The following CCDC13 variants were observed in gnomAD, a reference collection of about 807,000 sequenced individuals.
The protein encoded by CCDC13 is coiled-coil domain-containing protein 13.
CCDC13 carries 70 observed loss-of-function variants against 87.3 expected under a neutral mutation model. The ratio of observed to expected loss-of-function variants is 0.80; its 90% CI spans 0.66 to 0.98. CCDC13 has a LOEUF of 0.98. Ranked by LOEUF, CCDC13 falls within the 50% of genes least tolerant of loss-of-function variation. The pLI, the probability that CCDC13 is intolerant of heterozygous loss-of-function variation, is 0.00. For synonymous variants in CCDC13, 317 were observed against 360.3 expected, an observed-to-expected ratio of 0.88 and a Z score of 1.36; for missense variants, 842 against 892.0, an observed-to-expected ratio of 0.94 and a Z score of 0.71.
intron 9 of CCDC13, among the ~76,000 whole-genome samples, chr3:42,736,882 T>C (rs1007686436): frequency 1.3e-5 from 2 of 152,158 alleles, no homozygotes; most frequent in African/African-American, 4.8e-5. Context: ...GAAAGCAGTA[T>C]GGCCTTACTA....
chr3:42,731,709 A>C (rs1044371405), intron 12 of CCDC13, among the ~76,000 whole-genome samples: 3 of 151,914 alleles, frequency 2.0e-5, no homozygotes, highest in Non-Finnish European at 4.4e-5. Flanking sequence ...CCTCCCAGGC[A>C]CCCCACCAGA....
At chr3:42,729,126 T>C (rs1698759852) in intron 13 of CCDC13, among the ~76,000 whole-genome samples, 1 of 152,218 alleles carries the variant, frequency 6.6e-6, no homozygotes, top group African/African-American at 2.4e-5. Context: ...CCATTGTGTT[T>C]GAAGCCACTA....
chr3:42,715,890 G>A (rs765562691), intron 13 of CCDC13, among the ~76,000 whole-genome samples: 1 of 152,134 alleles, frequency 6.6e-6, no homozygotes, highest in Non-Finnish European at 1.5e-5. Context: ...CTTGTCAGAC[G>A]CTGGCACCTT....
chr3:42,710,379 A>G (rs571014162), intron 14 of CCDC13, among the ~76,000 whole-genome samples: 4 of 152,190 alleles, frequency 2.6e-5, no homozygotes, highest in Non-Finnish European at 5.9e-5. Context: ...TTGTTTTCAA[A>G]AAGAGAAACC....
intron 1 of CCDC13, among the ~76,000 whole-genome samples, chr3:42,772,876 G>A (rs1480825114): frequency 6.6e-6 from 1 of 152,226 alleles, no homozygotes; most frequent in Non-Finnish European, 1.5e-5. Flanking sequence ...GCGGACCTGA[G>A]TTCGAGTTCT....
At chr3:42,731,534 C>G (rs1358775431) in intron 12 of CCDC13, among the ~76,000 whole-genome samples, 3 of 152,150 alleles carry the variant, frequency 2.0e-5, no homozygotes, top group African/African-American at 7.2e-5. Context: ...TGCAGAATCC[C>G]AGGCTTTACC....
chr3:42,710,654 GA>G (rs1222444578), intron 14 of CCDC13, among the ~76,000 whole-genome samples: 1 of 151,790 alleles, frequency 6.6e-6, no homozygotes, highest in Admixed American at 6.6e-5. Context: ...CCAACACGGT[GA>G]AACCCTGTCT....
chr3:42,756,110 T>G (rs747306702), intron 3 of CCDC13, among the ~76,000 whole-genome samples: 1 of 152,228 alleles, frequency 6.6e-6, no homozygotes. Context: ...TTTGGTCCTA[T>G]GAACGTACCT....
intron 13 of CCDC13, among the ~76,000 whole-genome samples, chr3:42,715,308 TCA>T (rs776172707): frequency 4.6e-4 from 30 of 64,844 alleles, no homozygotes; most frequent in Non-Finnish European, 7.4e-4. Context: ...AAACTCTGTC[TCA>T]AAAAAAAAAA....
chr3:42,751,854 G>C (rs192353231), intron 5 of CCDC13, 82 bp downstream of exon 5: 44 of 1,272,100 alleles, frequency 3.5e-5, no homozygotes, highest in Non-Finnish European at 4.9e-5. Flanking sequence ...CTCGGGTAGA[G>C]GTACCTACAC....
intron 1 of CCDC13, among the ~76,000 whole-genome samples, chr3:42,766,631 C>T (rs1338548666): frequency 6.9e-6 from 1 of 145,552 alleles, no homozygotes; most frequent in Non-Finnish European, 1.5e-5. Context: ...AAACAACCAA[C>T]CAACCAAACA....
At chr3:42,744,408 G>T (rs538579468) in intron 7 of CCDC13, among the ~76,000 whole-genome samples, 7 of 152,312 alleles carry the variant, frequency 4.6e-5, no homozygotes, top group African/African-American at 1.4e-4. Flanking sequence ...TAGGCTCCCT[G>T]GCAAAGGGCA....
At chr3:42,769,931 G>C (rs1043053450) in intron 1 of CCDC13, among the ~76,000 whole-genome samples, 1 of 152,252 alleles carries the variant, frequency 6.6e-6, no homozygotes, top group Non-Finnish European at 1.5e-5. Context: ...CCGGCAGCCC[G>C]CCATGCCTGA....
rs778231160 is a variant in CCDC13 at position 42,751,981 on chromosome 3, G to A, written c.558C>T (p.Asp186=). ...LTRLSAKGAT[D]AGAKPPRAQM... ...GGGCCCTCGGTGGCTTGGCTCCTGC[G>A]TCGGTGGCCCCCTTGGCTGACAGCC... Residue 186 remains aspartate (D), a synonymous_variant, in exon 5 of 16, where the codon GAC becomes GAT. Transcript: ENST00000310232. 1.4e-5 allele frequency: 23 copies of A among 1,610,386 alleles called. No homozygotes were observed. Among genetic ancestry groups the A allele is most frequent in the East Asian group, 8.9e-5 (4 of 44,894 alleles).
chr3:42,705,165 G>A (rs147884623), downstream of CCDC13, among the ~76,000 whole-genome samples: 16 of 152,310 alleles, frequency 1.1e-4, no homozygotes, highest in East Asian at 1.4e-3. Flanking sequence ...GTCAGTGTAC[G>A]TAAAGGCACA....
At chr3:42,728,053 C>CT (rs1698731026) in intron 13 of CCDC13, among the ~76,000 whole-genome samples, 2 of 152,200 alleles carry the variant, frequency 1.3e-5, no homozygotes, top group South Asian at 4.1e-4. Flanking sequence ...TATTTAGTGA[C>CT]TTTTGTCATG....
chr3:42,731,345 G>A (rs1184173130), intron 12 of CCDC13, among the ~76,000 whole-genome samples: 2 of 119,316 alleles, frequency 1.7e-5, no homozygotes, highest in Non-Finnish European at 3.7e-5. Flanking sequence ...CGGTGGTCTT[G>A]GGCAGGTCTC....
intron 1 of CCDC13, among the ~76,000 whole-genome samples, chr3:42,768,314 C>A (rs2125915674): frequency 6.6e-6 from 1 of 152,190 alleles, no homozygotes; most frequent in Non-Finnish European, 1.5e-5. Context: ...ATATATAATA[C>A]CAAAAGCATG....
chr3:42,722,988 G>A (rs1034790547), intron 13 of CCDC13, among the ~76,000 whole-genome samples: 7 of 151,810 alleles, frequency 4.6e-5, no homozygotes, highest in Non-Finnish European at 2.9e-5. Context: ...TAGTAGAGAC[G>A]GGGTTTCACC....
Sources: allele counts gnomAD v4.1 joint callset (sites outside exome capture counted in the v4.1 genomes callset), GRCh38; gene constraint gnomAD v4.1.1; transcripts MANE v1.5; gene names NCBI Gene and HGNC (gene_info 2026-07-23, HGNC 2026-07-21).